ZFHX3: variants seen among roughly 807,000 people sequenced by gnomAD.
ZFHX3 encodes zinc finger homeobox protein 3.
A neutral mutation model predicts 279.1 loss-of-function variants in ZFHX3; 42 were observed. That is an observed-to-expected ratio of 0.15 (90% CI 0.12 to 0.19). The LOEUF is 0.19. ZFHX3 is among the 10% of genes least tolerant of loss of function. ZFHX3 has a pLI of 1.00. For missense variants in ZFHX3, 4,981 were observed against 4,754.0 expected, an observed-to-expected ratio of 1.05 and a Z score of -1.40; for synonymous variants, 2,293 against 1,957.8, an observed-to-expected ratio of 1.17 and a Z score of -4.52.
chr16:72,898,966 G>A (rs552347056), intron 3 of ZFHX3, among the ~76,000 whole-genome samples: 14 of 152,122 alleles, frequency 9.2e-5, no homozygotes, highest in African/African-American at 2.7e-4. Context: ...GGGTATGTAG[G>A]TGGATAAAAC....
intron 4 of ZFHX3, among the ~76,000 whole-genome samples, chr16:73,307,893 G>C (rs2015220283): frequency 1.3e-5 from 2 of 152,118 alleles, no homozygotes; most frequent in South Asian, 4.1e-4. Context: ...GTACCTTGAA[G>C]ATGAGCAATT....
At chr16:73,755,899 G>A (rs1482682189) in intron 1 of ZFHX3, among the ~76,000 whole-genome samples, 3 of 152,180 alleles carry the variant, frequency 2.0e-5, no homozygotes, top group East Asian at 1.9e-4. Flanking sequence ...TGTCATCAGC[G>A]AGGCACTCGC....
At chr16:73,521,282 A>G (rs1230557297) in intron 2 of ZFHX3, among the ~76,000 whole-genome samples, 16 of 152,286 alleles carry the variant, frequency 1.1e-4, no homozygotes, top group Admixed American at 3.3e-4. Context: ...AGACAATCAT[A>G]TCTACCTTAA....
chr16:73,473,361 A>AC (rs1567494424), intron 2 of ZFHX3, among the ~76,000 whole-genome samples: 2 of 57,310 alleles, frequency 3.5e-5, no homozygotes, highest in African/African-American at 1.3e-4. Context: ...AAAAAAACAA[A>AC]AAAAAAAAAA....
chr16:73,131,270 TA>T (rs200263974), intron 6 of ZFHX3, among the ~76,000 whole-genome samples: 3 of 151,994 alleles, frequency 2.0e-5, no homozygotes, highest in Admixed American at 2.0e-4. Flanking sequence ...ATAAATCATT[TA>T]AAAAAAACAA....
chr16:73,198,709 A>G (rs1968205355), intron 5 of ZFHX3, among the ~76,000 whole-genome samples: 1 of 152,208 alleles, frequency 6.6e-6, no homozygotes. Context: ...TTAATATGCC[A>G]GAGGGACATG....
At position 72,798,241 on chromosome 16, in the gene ZFHX3, G is replaced by A. The variant is rs774901612; in HGVS notation, c.4441C>T (p.Leu1481=). The change falls in exon 9 of 10, where the codon CTG becomes TTG. Residue 1481 remains leucine (L), a synonymous_variant. Transcript: ENST00000268489. ...GDLLAMGDPT[L]AEDHTIIVEE... Reference sequence around the variant, plus strand: ...ACAATTATGGTATGGTCCTCTGCCAGAGTGGGGTCTCCCATTGCCAGGAGG... The same window carrying A: ...ACAATTATGGTATGGTCCTCTGCCAAAGTGGGGTCTCCCATTGCCAGGAGG... 179 of 1,614,064 alleles carry A rather than the reference G, an allele frequency of 1.1e-4. No individual in the cohort carries two copies. Among genetic ancestry groups the A allele is most frequent in the Non-Finnish European group, 1.4e-4 (169 of 1,180,060 alleles).
chr16:72,868,790 C>T (rs2038084226), intron 4 of ZFHX3, among the ~76,000 whole-genome samples: 1 of 152,228 alleles, frequency 6.6e-6, no homozygotes, highest in Admixed American at 6.5e-5. Flanking sequence ...CTTCTCCAGG[C>T]TCAAGGCTCA....
chr16:72,954,359 A>T (rs149528546), intron 2 of ZFHX3, among the ~76,000 whole-genome samples: 1 of 152,176 alleles, frequency 6.6e-6, no homozygotes, highest in Non-Finnish European at 1.5e-5. Context: ...GACAAGAGTG[A>T]AACTCCATCT....
chr16:73,049,720 G>A (rs1348960796), upstream of ZFHX3, among the ~76,000 whole-genome samples: 2 of 152,146 alleles, frequency 1.3e-5, no homozygotes, highest in Non-Finnish European at 2.9e-5. Flanking sequence ...GGCCGGGTGG[G>A]GGGAGTTAAG....
At chr16:72,874,666 C>CT (rs1194333984) in intron 4 of ZFHX3, among the ~76,000 whole-genome samples, 68 of 146,266 alleles carry the variant, frequency 4.6e-4, no homozygotes, top group Middle Eastern at 7.2e-3. Flanking sequence ...AATGAAACCT[C>CT]TTTTTTTTTT....
Position 72,970,850 on chromosome 16 carries a change from C to G in ZFHX3, c.-49-10656G>C, listed in dbSNP as rs1015348955. On this transcript the variant is annotated intron_variant, in intron 1 of 9. Coordinates refer to ENST00000268489, the MANE Select transcript of ZFHX3 (RefSeq NM_006885.4). ...AGGAGACAATGTAAAAACGTGCCAT[C>G]TGGCCCATTACAGTTTCAATCTGGC... Among the ~76,000 whole-genome samples, 4 of 152,330 alleles carry G rather than the reference C, an allele frequency of 2.6e-5. No individual in the cohort carries two copies. In the East Asian group the frequency reaches 7.7e-4, roughly 29 times the overall value.
chr16:73,663,603 G>A (rs2052807219), intron 2 of ZFHX3, among the ~76,000 whole-genome samples: 1 of 152,324 alleles, frequency 6.6e-6, no homozygotes. Flanking sequence ...AGCAACACGG[G>A]TTTGAAAGCC....
At chr16:73,873,227 T>C (rs1206152489) in intron 1 of ZFHX3, among the ~76,000 whole-genome samples, 1,183 of 63,576 alleles carry the variant, frequency 0.019, 100 homozygotes, top group African/African-American at 0.075. Flanking sequence ...TGGTGGGTGG[T>C]GGTGGGTGGT....
chr16:73,576,431 T>A (rs541128620), intron 2 of ZFHX3, among the ~76,000 whole-genome samples: 1 of 152,104 alleles, frequency 6.6e-6, no homozygotes, highest in Non-Finnish European at 1.5e-5. Context: ...AGGATCTGAG[T>A]GATGGTCAAG....
intron 1 of ZFHX3, among the ~76,000 whole-genome samples, chr16:73,779,061 G>A (rs1160197891): frequency 1.3e-5 from 2 of 152,034 alleles, no homozygotes; most frequent in East Asian, 1.9e-4. Flanking sequence ...GGGGGTGGGT[G>A]GTCCAGATGG....
intron 3 of ZFHX3, among the ~76,000 whole-genome samples, 190 bp from the exon 4 acceptor site, chr16:72,890,152 G>T (rs2038734897): frequency 6.6e-6 from 1 of 152,172 alleles, no homozygotes; most frequent in Admixed American, 6.5e-5. Context: ...ATTCTAATCT[G>T]AACTGTAATC....
chr16:73,306,657 T>C (rs976487090), intron 4 of ZFHX3, among the ~76,000 whole-genome samples: 3 of 152,194 alleles, frequency 2.0e-5, no homozygotes, highest in African/African-American at 7.2e-5. Context: ...AAATGGAATA[T>C]GCCATCTCAC....
rs1198488427 is a variant in ZFHX3, at chr16:72,919,562, TG to T, written c.3217-29601del. ...CTTTATTTTTAAGAAAGATCTGTTT[TG>T]TTTTTTTTTAAGGCAGTACAGAAAG... On this transcript the variant is annotated intron_variant, in intron 3 of 9. Coordinates refer to ENST00000268489, the MANE Select transcript of ZFHX3 (RefSeq NM_006885.4). 3.4e-5 allele frequency among the ~76,000 whole-genome samples: 5 copies of T among 146,404 alleles called. No individual in the cohort carries two copies. In the East Asian group the frequency reaches 9.6e-4, roughly 28 times the overall value.
Sources: allele counts gnomAD v4.1 joint callset (sites outside exome capture counted in the v4.1 genomes callset), GRCh38; gene constraint gnomAD v4.1.1; transcripts MANE v1.5; gene names NCBI Gene and HGNC (gene_info 2026-07-23, HGNC 2026-07-21).